The following CACNA2D2 variants were observed in gnomAD, a reference collection of about 807,000 sequenced individuals.
CACNA2D2 encodes the protein voltage-dependent calcium channel subunit alpha-2/delta-2.
In CACNA2D2, 48 loss-of-function variants were observed where a neutral mutation model predicts 166.4. That is an observed-to-expected ratio of 0.29 (90% CI 0.23 to 0.37). The LOEUF (loss-of-function observed/expected upper bound fraction) is 0.37. Ranked by LOEUF, CACNA2D2 falls within the 10% of genes least tolerant of loss-of-function variation. The pLI is 1.00. For synonymous variants in CACNA2D2, 561 were observed against 573.7 expected (o/e 0.98, Z 0.32); for missense variants, 1,122 against 1,433.0 (o/e 0.78, Z 3.50).
intron 22 of CACNA2D2, among the ~76,000 whole-genome samples, chr3:50,370,952 C>T (rs1212206157): frequency 6.6e-6 from 1 of 152,000 alleles, no homozygotes; most frequent in Non-Finnish European, 1.5e-5. Context: ...ATGGCCAAAC[C>T]GAGGGGGTTT....
At chr3:50,400,012 C>T (rs909215497) in intron 3 of CACNA2D2, among the ~76,000 whole-genome samples, 1 of 152,218 alleles carries the variant, frequency 6.6e-6, no homozygotes, top group African/African-American at 2.4e-5. Context: ...GCCCCATTGC[C>T]ACCCGTCTTC....
At chr3:50,368,331 G>C in intron 23 of CACNA2D2, 96 bp from the exon 24 acceptor site, 3 of 787,180 alleles carry the variant, frequency 3.8e-6, no homozygotes, top group Non-Finnish European at 6.7e-6. Context: ...CATTCACTGA[G>C]AAGCCTGGGC....
At chr3:50,368,644 T>C (rs1011695584) in intron 23 of CACNA2D2, among the ~76,000 whole-genome samples, 5 of 152,200 alleles carry the variant, frequency 3.3e-5, no homozygotes, top group African/African-American at 1.2e-4. Context: ...TTTGTCAGCC[T>C]AAGACCTCAC....
chr3:50,496,820 AGGGGGCTT>A lies in CACNA2D2; in HGVS notation c.206+6390_206+6397del, dbSNP rs1163601361. 2.0e-5 allele frequency among the ~76,000 whole-genome samples: 3 copies of A among 152,340 alleles called. No homozygotes were observed. The East Asian group carries it at 5.8e-4, about 29-fold the overall frequency. ...TGGCAGAGTCTCAGTGCACACGAAG[AGGGGGCTT>A]GTTCAGAAAGAACTAGCCATCAGGG... is the stretch of plus-strand genomic sequence containing the variant. On this transcript the variant is annotated intron_variant, in intron 1 of 37. Coordinates refer to ENST00000424201, the MANE Select transcript of CACNA2D2 (RefSeq NM_006030.4).
Position 50,365,580 on chromosome 3 carries a change from T to G in CACNA2D2, c.2971+53A>C, listed in dbSNP as rs1381949197. 6.3e-7 allele frequency: 1 copy of G among 1,577,270 alleles called. No individual in the cohort carries two copies. Among genetic ancestry groups the G allele is most frequent in the Non-Finnish European group, 8.6e-7 (1 of 1,161,174 alleles). On this transcript the variant is annotated intron_variant, in intron 34 of 37. Transcript: ENST00000424201. This position sits in a 1 kb window ranked among gnomAD's most constrained non-coding sequence, Gnocchi z 4.5. ...CCCCACCCTCCCCATGGAGTCGTCT[T>G]AGCTCAGATTGGGGACCCGGACTTG...
chr3:50,422,308 C>T (rs1011906192), intron 3 of CACNA2D2, among the ~76,000 whole-genome samples: 3 of 152,232 alleles, frequency 2.0e-5, no homozygotes, highest in African/African-American at 4.8e-5. Flanking sequence ...AGCTGGAGGC[C>T]GCCCTGGATT....
rs77427438 is a variant in CACNA2D2, at chr3:50,432,559, G to A, written c.405+1754C>T. Among the ~76,000 whole-genome samples, 1,055 of 152,300 alleles carry A rather than the reference G, an allele frequency of 6.9e-3. 6 individuals carry two copies. Among genetic ancestry groups the A allele is most frequent in the African/African-American group, 0.024 (986 of 41,566 alleles). ...AGGCAGGAGAAGGGCATCCAGGCACGCCCAGTTCAGAAAGGTGAGAAGGTG... is the reference window on the plus strand; with the variant it reads ...AGGCAGGAGAAGGGCATCCAGGCACACCCAGTTCAGAAAGGTGAGAAGGTG... On this transcript the variant is annotated intron_variant, in intron 3 of 37. Coordinates refer to ENST00000424201, the MANE Select transcript of CACNA2D2 (RefSeq NM_006030.4).
chr3:50,455,008 C>T (rs570661438), intron 2 of CACNA2D2, among the ~76,000 whole-genome samples: 8 of 152,346 alleles, frequency 5.3e-5, no homozygotes, highest in Admixed American at 3.9e-4. Context: ...AGAAAGGCTT[C>T]GGCCCTAGGG....
intron 3 of CACNA2D2, among the ~76,000 whole-genome samples, chr3:50,412,085 G>C (rs539488069): frequency 6.6e-6 from 1 of 152,366 alleles, no homozygotes; most frequent in African/African-American, 2.4e-5. Flanking sequence ...CATGGGCTCA[G>C]CTAGAGCAAG....
At chr3:50,400,558 C>G (rs1013713744) in intron 3 of CACNA2D2, among the ~76,000 whole-genome samples, 1 of 152,242 alleles carries the variant, frequency 6.6e-6, no homozygotes, top group African/African-American at 2.4e-5. Flanking sequence ...TTGCCCCGAC[C>G]CCACATTTTG....
intron 2 of CACNA2D2, among the ~76,000 whole-genome samples, chr3:50,438,586 C>T (rs1708453326): frequency 6.6e-6 from 1 of 152,196 alleles, no homozygotes; most frequent in Non-Finnish European, 1.5e-5. Context: ...GCAAAGGGAG[C>T]CAGCCTCGTT....
At chr3:50,414,231 C>T (rs987454813) in intron 3 of CACNA2D2, among the ~76,000 whole-genome samples, 4 of 151,976 alleles carry the variant, frequency 2.6e-5, no homozygotes, top group African/African-American at 4.8e-5. Flanking sequence ...CCACACAGAG[C>T]CCAAGGTTAG....
At chr3:50,496,296 T>C (rs190955184) in intron 1 of CACNA2D2, among the ~76,000 whole-genome samples, 4 of 151,458 alleles carry the variant, frequency 2.6e-5, no homozygotes, top group Admixed American at 6.6e-5. Context: ...AGAATGCCCA[T>C]GCACACACAT....
chr3:50,448,461 T>A (rs980244436), intron 2 of CACNA2D2, among the ~76,000 whole-genome samples: 1 of 152,116 alleles, frequency 6.6e-6, no homozygotes, highest in African/African-American at 2.4e-5. Flanking sequence ...ATAGGAAGCG[T>A]GATGGTGCTT....
intron 17 of CACNA2D2, among the ~76,000 whole-genome samples, chr3:50,377,067 G>A (rs1705033397): frequency 6.6e-6 from 1 of 152,166 alleles, no homozygotes. Flanking sequence ...TTTTTAAATG[G>A]CTGGAAAAAA....
rs908327893 is a variant in CACNA2D2 at position 50,382,208 on chromosome 3, G to A, written c.653-1082C>T. ...CACTAGGACAAAACGGCAGGAGTGGGACACAGCTGCTTCTGCCAGGCCTCT... is the reference window on the plus strand; with the variant it reads ...CACTAGGACAAAACGGCAGGAGTGGAACACAGCTGCTTCTGCCAGGCCTCT... On this transcript the variant is annotated intron_variant, in intron 6 of 37. Coordinates refer to ENST00000424201, the MANE Select transcript of CACNA2D2 (RefSeq NM_006030.4). Among the ~76,000 whole-genome samples, 27 of 152,220 alleles carry A rather than the reference G, an allele frequency of 1.8e-4. No individual in the cohort carries two copies. The East Asian group carries it at 5.2e-3, about 29-fold the overall frequency.
rs1329694760 is a variant in CACNA2D2 at position 50,362,775 on chromosome 3, A to G, written c.*1891T>C. The G allele has an allele frequency of 1.2e-5, 2 of 170,812 alleles. No individual in the cohort carries two copies. The highest frequency in any genetic ancestry group is 2.0e-4 in the South Asian group (1 of 4,972). The allele number at this position is 170,812 out of a possible 1,614,324, so 10.6% of individuals were successfully genotyped here. ...CATAGCTACCCAGTCCTCACCCCCA[A>G]GCTGATACAGTGGATGGGAACCATT... On this transcript the variant is annotated 3_prime_UTR_variant, in exon 38 of 38. Coordinates refer to ENST00000424201, the MANE Select transcript of CACNA2D2 (RefSeq NM_006030.4).
chr3:50,478,287 A>T (rs1697887626), intron 1 of CACNA2D2, among the ~76,000 whole-genome samples: 1 of 152,134 alleles, frequency 6.6e-6, no homozygotes, highest in Non-Finnish European at 1.5e-5. Context: ...GCCCCTGTCC[A>T]CCAGGGCCTG....
In CACNA2D2 at chr3:50,407,050, G is replaced by T. The variant is rs562553166; in HGVS notation, c.406-12882C>A. On this transcript the variant is annotated intron_variant, in intron 3 of 37. Coordinates refer to ENST00000424201, the MANE Select transcript of CACNA2D2 (RefSeq NM_006030.4). ...TGTATCTAGGTACCTTGACCTAGGTGCTTGATCTAGGTATCTGTGACCTTG... is the reference window on the plus strand; with the variant it reads ...TGTATCTAGGTACCTTGACCTAGGTTCTTGATCTAGGTATCTGTGACCTTG... Among the ~76,000 whole-genome samples, 104 of 151,940 alleles carry T rather than the reference G, an allele frequency of 6.8e-4. 1 individual carries two copies. The highest frequency in any genetic ancestry group is 2.4e-3 in the African/African-American group (98 of 41,566).
Sources: gnomAD v4.1 joint callset for allele counts (sites outside exome capture counted in the v4.1 genomes callset) on GRCh38, gnomAD v4.1.1 for gene constraint, Gnocchi (gnomAD v3.1) non-coding constraint, MANE v1.5 for transcripts, NCBI Gene and HGNC (gene_info 2026-07-23, HGNC 2026-07-21) for gene names.